The following CIDEC variants were observed in gnomAD, a reference collection of about 807,000 sequenced individuals.
CIDEC encodes the protein lipid transferase CIDEC.
In CIDEC, 11 loss-of-function variants were observed where a neutral mutation model predicts 21.9. The observed-to-expected ratio is 0.50, with a 90% CI of 0.32 to 0.83. The LOEUF is 0.83. Ranked by LOEUF, CIDEC falls within the 40% of genes least tolerant of loss-of-function variation. The pLI is 0.04. For synonymous variants in CIDEC, 127 were observed against 124.9 expected (o/e 1.02, Z -0.11); for missense variants, 302 against 302.3 (o/e 1.00, Z 0.01).
chr3:9,867,215 G>T lies in CIDEC; in HGVS notation c.636C>A (p.Leu212=). ...GCTGCCCTTCCTCCGTAGCATCGAGGAGCTGCTGCAGGTAACAGGAGGTGC... is the reference window on the plus strand; with the variant it reads ...GCTGCCCTTCCTCCGTAGCATCGAGTAGCTGCTGCAGGTAACAGGAGGTGC... ...LLGTSCYLQQ[L]LDATEEGQPP... Residue 212 remains leucine (L), a synonymous_variant, in exon 7 of 7, where the codon CTC becomes CTA. Transcript: ENST00000336832. 6.2e-7 allele frequency: 1 copy of T among 1,614,132 alleles called. No individual in the cohort carries two copies. Among genetic ancestry groups the T allele is most frequent in the South Asian group, 1.1e-5 (1 of 91,084 alleles).
chr3:9,877,315 C>A, intron 3 of CIDEC, 96 bp from the exon 4 acceptor site: 1 of 1,186,986 alleles, frequency 8.4e-7, no homozygotes. Flanking sequence ...TGACTGGGCT[C>A]ATGATCAGTC....
chr3:9,879,695 G>A (rs1173946213), intron 1 of CIDEC, among the ~76,000 whole-genome samples: 1 of 152,072 alleles, frequency 6.6e-6, no homozygotes, highest in Non-Finnish European at 1.5e-5. Flanking sequence ...CTCTGATCCA[G>A]GACGAAATTT....
rs1395658911 is a variant in CIDEC, at chr3:9,877,163, G to C, written c.110C>G (p.Pro37Arg). Residue 37 changes from proline to arginine, a missense_variant, in exon 4 of 7, where the codon CCC (proline) becomes CGC (arginine). Physicochemically the swap from Pro to Arg is moderately radical, Grantham distance 103. Transcript: ENST00000336832. ...VTQQLLSEPS[P>R]KAPRARPCRV... ...GCAGGGCCGGGCCCTGGGGGCCTTG[G>C]GGCTGGGCTCCGACAGCAGCTGCTG... is the stretch of plus-strand genomic sequence containing the variant. The C allele has an allele frequency of 2.6e-6, 4 of 1,551,512 alleles. No individual in the cohort carries two copies. The South Asian group carries it at 3.6e-5, about 14-fold the overall frequency.
intron 3 of CIDEC, chr3:9,878,123 C>G (rs2082452653): frequency 2.9e-6 from 1 of 349,932 alleles, no homozygotes; most frequent in African/African-American, 2.1e-5. Context: ...GTTCTCTCAC[C>G]TATTAATTTG....
intron 6 of CIDEC, among the ~76,000 whole-genome samples, chr3:9,868,884 T>A (rs1177131632): frequency 2.0e-4 from 31 of 152,054 alleles, no homozygotes; most frequent in Admixed American, 2.0e-3. Flanking sequence ...AGTAGTATGG[T>A]CATATCTCAC....
intron 2 of CIDEC, 69 bp from the exon 3 acceptor site, chr3:9,878,580 A>G (rs2082461435): frequency 1.4e-6 from 2 of 1,432,180 alleles, no homozygotes; most frequent in Non-Finnish European, 2.0e-6. Flanking sequence ...ATTGTTAGGC[A>G]AGGTGCAACC....
intron 4 of CIDEC, among the ~76,000 whole-genome samples, chr3:9,876,251 A>G (rs2082420829): frequency 6.6e-6 from 1 of 152,192 alleles, no homozygotes; most frequent in South Asian, 2.1e-4. Flanking sequence ...AGGTGGGTGG[A>G]TTACCTGAGG....
intron 1 of CIDEC, 31 bp downstream of exon 1, chr3:9,880,193 C>T (rs1238782399): frequency 6.6e-6 from 1 of 152,074 alleles, no homozygotes; most frequent in Non-Finnish European, 1.5e-5. Flanking sequence ...AAAAAAAATC[C>T]CCAAACCCAA....
chr3:9,877,821 T>C (rs1019043150), intron 3 of CIDEC: 2 of 165,378 alleles, frequency 1.2e-5, no homozygotes, highest in African/African-American at 4.8e-5. Flanking sequence ...AGTTCCCAAG[T>C]GATGTTGATA....
intron 4 of CIDEC, among the ~76,000 whole-genome samples, chr3:9,874,054 A>G (rs1403978585): frequency 2.6e-5 from 4 of 152,190 alleles, no homozygotes; most frequent in Admixed American, 2.0e-4. Flanking sequence ...ATACAAGATG[A>G]GCCTGTAATA....
At chr3:9,878,905 T>A in intron 2 of CIDEC, 37 bp downstream of exon 2, 1 of 1,090,646 alleles carries the variant, frequency 9.2e-7, no homozygotes, top group Non-Finnish European at 1.4e-6. Context: ...AGGAGGTGAG[T>A]CACACCACCT....
intron 2 of CIDEC, 45 bp from the exon 3 acceptor site, chr3:9,878,556 T>C (rs768704792): frequency 2.7e-6 from 4 of 1,508,824 alleles, no homozygotes; most frequent in African/African-American, 2.8e-5. Context: ...GATGAGAGGG[T>C]TCCCATCTCT....
At chr3:9,878,772 C>G (rs1393451294) in intron 2 of CIDEC, 170 bp downstream of exon 2, 2 of 1,536,266 alleles carry the variant, frequency 1.3e-6, no homozygotes, top group East Asian at 4.9e-5. Context: ...GCCCCAGTCC[C>G]ACTCACTCCA....
At chr3:9,870,440 G>A (rs1199248107) in intron 4 of CIDEC, 118 bp from the exon 5 acceptor site, 2 of 1,563,530 alleles carry the variant, frequency 1.3e-6, no homozygotes, top group East Asian at 2.3e-5. Flanking sequence ...ACTTTATCAT[G>A]GTACCTCTTG....
At chr3:9,873,573 G>A (rs1209237015) in intron 4 of CIDEC, among the ~76,000 whole-genome samples, 2 of 151,938 alleles carry the variant, frequency 1.3e-5, no homozygotes, top group African/African-American at 4.8e-5. Flanking sequence ...CTGAGATCAC[G>A]CCACTGCACT....
In CIDEC at chr3:9,870,277, G is replaced by C. The variant is rs758267064; in HGVS notation, c.253C>G (p.Leu85Val). The C allele has an allele frequency of 1.4e-5, 22 of 1,614,032 alleles. No individual in the cohort carries two copies. Among genetic ancestry groups the C allele is most frequent in the Non-Finnish European group, 1.9e-5 (22 of 1,180,048 alleles). ...TCTACAGTTGTGCCATCTTCCTCCA[G>C]CACCAGGAAGAAGGGCTTGTCTGCC... ...MLADKPFFLV[L>V]EEDGTTVETE... The change falls in exon 5 of 7, where the codon CTG (leucine) becomes GTG (valine). Residue 85 changes from leucine to valine, a missense_variant. Physicochemically the swap from Leu to Val is conservative, Grantham distance 32. Coordinates refer to ENST00000336832, the MANE Select transcript of CIDEC (RefSeq NM_001321142.2).
chr3:9,869,090 A>C (rs768735202), intron 6 of CIDEC, among the ~76,000 whole-genome samples: 2 of 152,028 alleles, frequency 1.3e-5, no homozygotes, highest in Non-Finnish European at 2.9e-5. Context: ...TGACCTCCCA[A>C]AGTGCTGGGA....
chr3:9,876,779 A>G (rs1230832321), intron 4 of CIDEC, among the ~76,000 whole-genome samples: 1 of 142,276 alleles, frequency 7.0e-6, no homozygotes, highest in Non-Finnish European at 1.5e-5. Context: ...AAAAAAAAAA[A>G]AAAAACTAAT....
rs1379553368 is a variant in CIDEC, at chr3:9,866,969, C to T, written c.*165G>A. ...AGCTTGAGGTTCTCCTTTGGCCAAC[C>T]CACCCCAGGTTTCCAGCTCCTCCTC... On this transcript the variant is annotated 3_prime_UTR_variant, in exon 7 of 7. Transcript: ENST00000336832. The T allele has an allele frequency of 3.1e-5, 25 of 805,776 alleles. No individual in the cohort carries two copies. The highest frequency in any genetic ancestry group is 1.0e-4 in the African/African-American group (6 of 59,290). The allele number at this position is 805,776 out of a possible 1,614,324, so 49.9% of individuals were successfully genotyped here.
Sources: gnomAD v4.1 joint callset for allele counts (sites outside exome capture counted in the v4.1 genomes callset) on GRCh38, gnomAD v4.1.1 for gene constraint, MANE v1.5 for transcripts, NCBI Gene and HGNC (gene_info 2026-07-23, HGNC 2026-07-21) for gene names.